The following ZMYND8 variants were observed in gnomAD, a reference collection of about 807,000 sequenced individuals.
ZMYND8 encodes MYND-type zinc finger-containing chromatin reader ZMYND8.
ZMYND8 carries 37 observed loss-of-function variants against 140.8 expected under a neutral mutation model. That is an observed-to-expected ratio of 0.26 (90% CI 0.20 to 0.35). ZMYND8 has a LOEUF of 0.35. Ranked by LOEUF, ZMYND8 falls within the 10% of genes least tolerant of loss-of-function variation. ZMYND8 has a pLI of 1.00. For missense variants in ZMYND8, 1,068 were observed against 1,570.0 expected (o/e 0.68, Z 5.40); for synonymous variants, 592 against 597.1 (o/e 0.99, Z 0.12).
intron 19 of ZMYND8, among the ~76,000 whole-genome samples, chr20:47,222,020 G>A (rs1177233446): frequency 1.3e-5 from 2 of 152,166 alleles, no homozygotes; most frequent in African/African-American, 4.8e-5. Flanking sequence ...TCATTCTGGA[G>A]ATGAAAGTAT....
At chr20:47,256,360 C>G (rs888315743) in intron 12 of ZMYND8, among the ~76,000 whole-genome samples, 7 of 152,158 alleles carry the variant, frequency 4.6e-5, no homozygotes, top group Non-Finnish European at 1.0e-4. Flanking sequence ...TGGCTCACGC[C>G]TGTAATCCCA....
At chr20:47,287,542 G>A (rs1242323072) in intron 7 of ZMYND8, among the ~76,000 whole-genome samples, 2 of 152,108 alleles carry the variant, frequency 1.3e-5, no homozygotes, top group African/African-American at 4.8e-5. Flanking sequence ...AGAGATCATG[G>A]ATTAATATTC....
intron 2 of ZMYND8, among the ~76,000 whole-genome samples, chr20:47,322,578 C>G (rs978362900): frequency 2.0e-4 from 30 of 151,692 alleles, no homozygotes; most frequent in Non-Finnish European, 4.0e-4. Context: ...GTAGCTGGGA[C>G]TACAGGCACG....
At chr20:47,221,054 T>G (rs1315698310) in intron 20 of ZMYND8, among the ~76,000 whole-genome samples, 1 of 152,134 alleles carries the variant, frequency 6.6e-6, no homozygotes, top group African/African-American at 2.4e-5. Flanking sequence ...ACAGAACATT[T>G]CCATCATCGC....
chr20:47,255,582 G>A (rs868544671), intron 12 of ZMYND8, among the ~76,000 whole-genome samples: 9 of 58,042 alleles, frequency 1.6e-4, no homozygotes, highest in African/African-American at 6.7e-4. Flanking sequence ...GTGTGTGTGT[G>A]TGTGTGTGTG....
chr20:47,267,496 C>T (rs59755767), intron 11 of ZMYND8, among the ~76,000 whole-genome samples: 43 of 86,592 alleles, frequency 5.0e-4, no homozygotes, highest in East Asian at 1.5e-3. Context: ...AGGGCCGGGG[C>T]GGGGGGGGGG....
At chr20:47,300,621 C>T (rs553902693) in intron 3 of ZMYND8, among the ~76,000 whole-genome samples, 6 of 152,218 alleles carry the variant, frequency 3.9e-5, no homozygotes, top group African/African-American at 7.2e-5. Context: ...TACTTTAACA[C>T]GACTTTTCTT....
chr20:47,228,383 G>T (rs1440535468), intron 17 of ZMYND8, among the ~76,000 whole-genome samples: 3 of 152,100 alleles, frequency 2.0e-5, no homozygotes, highest in African/African-American at 4.8e-5. Flanking sequence ...TTGCAGAAAT[G>T]GTGTCTCTAA....
intron 21 of ZMYND8, among the ~76,000 whole-genome samples, chr20:47,219,940 GA>G (rs957605885): frequency 9.9e-4 from 147 of 148,634 alleles, no homozygotes; most frequent in Non-Finnish European, 1.5e-3. Flanking sequence ...GAGAGAGAGA[GA>G]AAAAAAAAAC....
At chr20:47,344,935 C>T (rs1212204729) in intron 2 of ZMYND8, among the ~76,000 whole-genome samples, 2 of 152,010 alleles carry the variant, frequency 1.3e-5, no homozygotes, top group Admixed American at 6.6e-5. Flanking sequence ...CAACCCACTG[C>T]GACCTCATCC....
intron 18 of ZMYND8, among the ~76,000 whole-genome samples, chr20:47,225,851 T>C (rs976939051): frequency 6.6e-6 from 1 of 151,728 alleles, no homozygotes; most frequent in African/African-American, 2.4e-5. Flanking sequence ...CTGATTTTAT[T>C]AGAAAAACAA....
At chr20:47,325,335 A>G (rs1016070006) in intron 2 of ZMYND8, among the ~76,000 whole-genome samples, 6 of 152,168 alleles carry the variant, frequency 3.9e-5, no homozygotes, top group Non-Finnish European at 7.3e-5. Flanking sequence ...TGCCAGGTAC[A>G]TGGCCTGGCT....
chr20:47,313,828 G>GA (rs1430039563), intron 2 of ZMYND8, among the ~76,000 whole-genome samples: 2 of 152,058 alleles, frequency 1.3e-5, no homozygotes, highest in South Asian at 2.1e-4. Context: ...AGCTACTTGG[G>GA]AGGCTGAGGC....
chr20:47,259,173 G>A (rs937858603), intron 12 of ZMYND8, among the ~76,000 whole-genome samples: 2 of 152,322 alleles, frequency 1.3e-5, no homozygotes, highest in South Asian at 2.1e-4. Context: ...AAATGTCACC[G>A]TGAGAACGCC....
chr20:47,303,938 A>G (rs1342206428), intron 3 of ZMYND8, among the ~76,000 whole-genome samples: 2 of 152,232 alleles, frequency 1.3e-5, no homozygotes, highest in African/African-American at 4.8e-5. Flanking sequence ...AAACAGCAGC[A>G]GTTGCTGAGA....
At position 47,209,337 on chromosome 20, in the gene ZMYND8, G is replaced by A. The variant is rs2034967916; in HGVS notation, c.*1424C>T. ...GTGAGTCTACTGGCTCAGTCACAAA[G>A]AAACACCACCATCAAAAAGATATTT... On this transcript the variant is annotated 3_prime_UTR_variant, in exon 23 of 23. Transcript: ENST00000471951. 6.6e-6 allele frequency: 1 copy of A among 152,084 alleles called. No homozygotes were observed. Among genetic ancestry groups the A allele is most frequent in the South Asian group, 2.1e-4 (1 of 4,832 alleles). 9.4% of individuals were successfully genotyped at this position (152,084 alleles called of 1,614,324 possible).
intron 21 of ZMYND8, among the ~76,000 whole-genome samples, chr20:47,214,442 T>A (rs946393013): frequency 2.0e-5 from 3 of 152,194 alleles, no homozygotes; most frequent in Admixed American, 2.0e-4. Flanking sequence ...CATGGCGCTC[T>A]CACTGTGCTG....
chr20:47,324,153 G>A (rs190265806), intron 2 of ZMYND8, among the ~76,000 whole-genome samples: 99 of 141,106 alleles, frequency 7.0e-4, no homozygotes, highest in East Asian at 4.1e-4. Flanking sequence ...CATAAGCCGA[G>A]ATCATGCCAT....
chr20:47,303,888 G>A (rs1005405042), intron 3 of ZMYND8, among the ~76,000 whole-genome samples: 3 of 152,148 alleles, frequency 2.0e-5, no homozygotes, highest in Admixed American at 6.5e-5. Flanking sequence ...GGACTGCCTG[G>A]CTGCTCTGTA....
Sources: gnomAD v4.1 joint callset for allele counts (sites outside exome capture counted in the v4.1 genomes callset) on GRCh38, gnomAD v4.1.1 for gene constraint, MANE v1.5 for transcripts, NCBI Gene and HGNC (gene_info 2026-07-23, HGNC 2026-07-21) for gene names.